Variants in ITPKA observed in about 807,000 individuals in gnomAD.
The protein encoded by ITPKA is inositol-trisphosphate 3-kinase A, also known as IP3 3-kinase A.
ITPKA carries 16 observed loss-of-function variants against 40.7 expected under a neutral mutation model. The ratio of observed to expected loss-of-function variants is 0.39; its 90% CI spans 0.27 to 0.60. ITPKA has a LOEUF of 0.60. ITPKA is among the 20% of genes least tolerant of loss of function. The pLI is 0.50. For missense variants in ITPKA, 540 were observed against 649.3 expected, an observed-to-expected ratio of 0.83 and a Z score of 1.83; for synonymous variants, 313 against 289.9, an observed-to-expected ratio of 1.08 and a Z score of -0.81.
chr15:41,501,555 C>T lies in ITPKA; in HGVS notation c.582C>T (p.His194=). The part of the protein sequence containing the change: ...KRYAWVQLAG[H]TGSFKAAGTS... ...ACGCCTGGGTGCAGCTGGCAGGGCACACTGGTGAGCAGTGGGGCGGGTGGG... is the reference window on the plus strand; with the variant it reads ...ACGCCTGGGTGCAGCTGGCAGGGCATACTGGTGAGCAGTGGGGCGGGTGGG... Residue 194 remains histidine (H), a synonymous_variant, in exon 2 of 7, where the codon CAC becomes CAT. Coordinates refer to ENST00000260386, the MANE Select transcript of ITPKA (RefSeq NM_002220.3). 1 of 913,248 alleles carries T rather than the reference C, an allele frequency of 1.1e-6. No homozygotes were observed. Among genetic ancestry groups the T allele is most frequent in the South Asian group, 1.3e-5 (1 of 75,756 alleles). The allele number at this position is 913,248 out of a possible 1,614,324, so 56.6% of individuals were successfully genotyped here.
In ITPKA at chr15:41,494,421, GGGCCGCGGGGGCGGGGCCAGCGCC is replaced by G. The variant is rs1429315724; in HGVS notation, c.489+8_489+31del. The stretch of plus-strand genomic sequence containing the variant: ...GCGGGCGAGGACGTGGGTCAGGTAC[GGGCCGCGGGGGCGGGGCCAGCGCC>G]GGGCGCGGGGGCTGCACGGGGGACC... On this transcript the variant is annotated splice_donor_region_variant and intron_variant, in intron 1 of 6. Transcript: ENST00000260386. The surrounding 1 kb of genome is among the most constrained non-coding windows in gnomAD (Gnocchi z 7.8). The G allele has an allele frequency of 3.5e-6, 5 of 1,418,548 alleles. No individual in the cohort carries two copies. Among genetic ancestry groups the G allele is most frequent in the Non-Finnish European group, 4.6e-6 (5 of 1,087,942 alleles). 87.9% of individuals were successfully genotyped at this position (1,418,548 alleles called of 1,614,324 possible). A position where few individuals can be genotyped will look rare whatever the true frequency, so the allele number is the denominator to read the frequency against.
chr15:41,502,484 A>C lies in ITPKA; in HGVS notation c.1091A>C (p.Gln364Pro). The change falls in exon 5 of 7, where the codon CAA becomes CCA. Residue 364 changes from glutamine (Q) to proline (P), a missense_variant. Physicochemically the swap from Gln to Pro is moderately conservative, Grantham distance 76. Transcript: ENST00000260386. Reference protein sequence around the residue: ...QVLRVFEEFVQGDEEVLRRYL... With the variant: ...QVLRVFEEFVPGDEEVLRRYL... ...CTTCGCGTCTTTGAAGAGTTTGTGC[A>C]AGGAGATGAGGAAGTGCTGGTGAGA... 6.3e-7 allele frequency: 1 copy of C among 1,593,472 alleles called. No homozygotes were observed. Among genetic ancestry groups the C allele is most frequent in the Non-Finnish European group, 8.6e-7 (1 of 1,162,084 alleles).
Position 41,494,762 on chromosome 15 carries a change from T to TGAAC in ITPKA, c.489+347_489+350dup, listed in dbSNP as rs1183216850. ...ATCGGAGGGGCTGAGCCTTGCCGGGTGAACCCTCGGAAGGAGAGAGGCGAA... is the reference window on the plus strand; with the variant it reads ...ATCGGAGGGGCTGAGCCTTGCCGGGTGAACGAACCCTCGGAAGGAGAGAGGCGAA... On this transcript the variant is annotated intron_variant, in intron 1 of 6. Coordinates refer to ENST00000260386, the MANE Select transcript of ITPKA (RefSeq NM_002220.3). The surrounding 1 kb of genome is among the most constrained non-coding windows in gnomAD (Gnocchi z 7.8). 6.6e-6 allele frequency among the ~76,000 whole-genome samples: 1 copy of TGAAC among 152,108 alleles called. No individual in the cohort carries two copies. The highest frequency in any genetic ancestry group is 1.5e-5 in the Non-Finnish European group (1 of 67,996).
chr15:41,495,001 C>T (rs774161764), intron 1 of ITPKA, among the ~76,000 whole-genome samples: 13 of 152,322 alleles, frequency 8.5e-5, no homozygotes, highest in Middle Eastern at 3.4e-3. Context: ...ACGCAGCCCA[C>T]CCAGTGCGCG....
rs1198465863 is a variant in ITPKA, at chr15:41,502,119, C to A, written c.926C>A (p.Ala309Asp). ...APTEEEHAQR[A>D]VTKPRYMQWR... ...ACGGAGGAGGAGCACGCGCAGCGCG[C>A]CGTCACCAAGCCGCGCTACATGCAG... The change falls in exon 4 of 7, where the codon GCC (alanine) becomes GAC (aspartate). Residue 309 changes from alanine (A) to aspartate (D), a missense_variant. Transcript: ENST00000260386. 2 of 1,610,878 alleles carry A rather than the reference C, an allele frequency of 1.2e-6. No individual in the cohort carries two copies. Among genetic ancestry groups the A allele is most frequent in the Non-Finnish European group, 1.7e-6 (2 of 1,179,118 alleles).
intron 1 of ITPKA, among the ~76,000 whole-genome samples, chr15:41,496,745 G>C (rs2051075434): frequency 6.6e-6 from 1 of 152,182 alleles, no homozygotes; most frequent in Non-Finnish European, 1.5e-5. Context: ...GCAGAATTTA[G>C]GTTAACAGAC....
intron 5 of ITPKA, 119 bp downstream of exon 5, chr15:41,502,622 C>T: frequency 3.2e-6 from 3 of 924,296 alleles, no homozygotes; most frequent in Non-Finnish European, 5.0e-6. Context: ...CGCTGGCTCG[C>T]AACTGCTCTA....
At chr15:41,497,676 A>G (rs1345835597) in intron 1 of ITPKA, among the ~76,000 whole-genome samples, 1 of 152,192 alleles carries the variant, frequency 6.6e-6, no homozygotes, top group Non-Finnish European at 1.5e-5. Context: ...ATCCTGTCAT[A>G]GCAACCTCAG....
rs2051062081 is a variant in ITPKA, at chr15:41,495,168, G to A, written c.489+752G>A. ...TGACCCTCGGAAAACACAGCCCTGG[G>A]CACTGTTAAGTCATTCCTGACGCCC... On this transcript the variant is annotated intron_variant, in intron 1 of 6. Transcript: ENST00000260386. Among the ~76,000 whole-genome samples the A allele has an allele frequency of 2.0e-5, 3 of 152,358 alleles. No homozygotes were observed. The South Asian group carries it at 6.2e-4, about 32-fold the overall frequency.
Position 41,503,365 on chromosome 15 carries a change from G to A in ITPKA, c.*199G>A, listed in dbSNP as rs866710769. 27 of 598,968 alleles carry A rather than the reference G, an allele frequency of 4.5e-5. No individual in the cohort carries two copies. The Admixed American group carries it at 6.2e-4, about 14-fold the overall frequency. The allele number at this position is 598,968 out of a possible 1,614,324, so 37.1% of individuals were successfully genotyped here. On this transcript the variant is annotated 3_prime_UTR_variant, in exon 7 of 7. Coordinates refer to ENST00000260386, the MANE Select transcript of ITPKA (RefSeq NM_002220.3). ...CCACCCGGGCCCCAGCGTTCCCAGA[G>A]CCAAATGACACTAACTTATAGAAGG...
intron 4 of ITPKA, 86 bp downstream of exon 4, chr15:41,502,287 T>G: frequency 9.9e-7 from 1 of 1,011,260 alleles, no homozygotes; most frequent in Non-Finnish European, 1.4e-6. Flanking sequence ...CGCCTGCCCC[T>G]CCGCCCTCTC....
chr15:41,503,013 C>T lies in ITPKA; in HGVS notation c.1233C>T (p.Gly411=), dbSNP rs2051133068. Residue 411 remains glycine (G), a synonymous_variant, in exon 7 of 7, where the codon GGC becomes GGT. Coordinates refer to ENST00000260386, the MANE Select transcript of ITPKA (RefSeq NM_002220.3). ...LFVHDHCHRA[G]VWLIDFGKTT... is the part of the protein sequence containing the mutation. ...TGCACGATCACTGCCATCGCGCCGG[C>T]GTGTGGCTCATCGACTTCGGCAAGA... 1 of 1,609,022 alleles carries T rather than the reference C, an allele frequency of 6.2e-7. No homozygotes were observed. Among genetic ancestry groups the T allele is most frequent in the Non-Finnish European group, 8.5e-7 (1 of 1,177,318 alleles).
At chr15:41,501,328 T>G in intron 1 of ITPKA, 135 bp from the exon 2 acceptor site, 7 of 1,471,196 alleles carry the variant, frequency 4.8e-6, no homozygotes, top group Non-Finnish European at 6.3e-6. Context: ...CCAGAGTGAA[T>G]GAATGAATTA....
chr15:41,494,739 C>G lies in ITPKA; in HGVS notation c.489+323C>G, dbSNP rs2051058472. Reference sequence around the variant, plus strand: ...GGCTGTGGGTTAGGACAGGAGGGATCGGAGGGGCTGAGCCTTGCCGGGTGA... The same window carrying G: ...GGCTGTGGGTTAGGACAGGAGGGATGGGAGGGGCTGAGCCTTGCCGGGTGA... On this transcript the variant is annotated intron_variant, in intron 1 of 6. Transcript: ENST00000260386. The surrounding 1 kb of genome is among the most constrained non-coding windows in gnomAD (Gnocchi z 7.8). 6.6e-6 allele frequency among the ~76,000 whole-genome samples: 1 copy of G among 152,176 alleles called. No individual in the cohort carries two copies. Among genetic ancestry groups the G allele is most frequent in the Admixed American group, 6.5e-5 (1 of 15,284 alleles).
intron 1 of ITPKA, among the ~76,000 whole-genome samples, chr15:41,497,223 C>T (rs913077716): frequency 6.6e-6 from 1 of 152,146 alleles, no homozygotes; most frequent in African/African-American, 2.4e-5. Flanking sequence ...CTAGCCTTTG[C>T]CTCAAGATAC....
intron 1 of ITPKA, among the ~76,000 whole-genome samples, chr15:41,496,326 C>T (rs2051070925): frequency 6.6e-6 from 1 of 152,214 alleles, no homozygotes; most frequent in South Asian, 2.1e-4. Flanking sequence ...CCCTTACGCG[C>T]GGCCCAGGCA....
In ITPKA at chr15:41,502,960, C is replaced by A. The variant is rs1166628012; in HGVS notation, c.1183-3C>A. 2 of 1,597,864 alleles carry A rather than the reference C, an allele frequency of 1.3e-6. No homozygotes were observed. Among genetic ancestry groups the A allele is most frequent in the Admixed American group, 3.4e-5 (2 of 58,450 alleles). Reference sequence around the variant, plus strand: ...CCGCGGCCTGACGGTGCGGGGCTCGCAGGTGATCGGCAGCTCGCTCCTCTT... The same window carrying A: ...CCGCGGCCTGACGGTGCGGGGCTCGAAGGTGATCGGCAGCTCGCTCCTCTT... On this transcript the variant is annotated splice_region_variant and splice_polypyrimidine_tract_variant and intron_variant, in intron 6 of 6. Transcript: ENST00000260386.
In ITPKA at chr15:41,501,859, T is replaced by A; in HGVS notation, c.803+8T>A. 6.2e-7 allele frequency: 1 copy of A among 1,611,724 alleles called. No homozygotes were observed. Among genetic ancestry groups the A allele is most frequent in the Non-Finnish European group, 8.5e-7 (1 of 1,178,972 alleles). On this transcript the variant is annotated splice_region_variant and intron_variant, in intron 3 of 6. Transcript: ENST00000260386. ...CTGCAAAATGGGCGTCAGGTATGCG[T>A]GCCCTGCCAGGTCGGTTGGGGGGAT...
In ITPKA at chr15:41,502,492, G is replaced by A. The variant is rs553718435; in HGVS notation, c.1099G>A (p.Glu367Lys). The A allele has an allele frequency of 1.9e-6, 3 of 1,580,606 alleles. No homozygotes were observed. The African/African-American group carries it at 4.0e-5, about 21-fold the overall frequency. The change falls in exon 5 of 7, where the codon GAG becomes AAG. Residue 367 changes from glutamate to lysine, a missense_variant. Coordinates refer to ENST00000260386, the MANE Select transcript of ITPKA (RefSeq NM_002220.3). ...RVFEEFVQGD[E>K]EVLRRYLNRL... ...CTTTGAAGAGTTTGTGCAAGGAGATGAGGAAGTGCTGGTGAGAGCGGGATC... is the reference window on the plus strand; with the variant it reads ...CTTTGAAGAGTTTGTGCAAGGAGATAAGGAAGTGCTGGTGAGAGCGGGATC...
Sources: gnomAD v4.1 joint callset for allele counts (sites outside exome capture counted in the v4.1 genomes callset) on GRCh38, gnomAD v4.1.1 for gene constraint, Gnocchi (gnomAD v3.1) non-coding constraint, MANE v1.5 for transcripts, NCBI Gene and HGNC (gene_info 2026-07-23, HGNC 2026-07-21) for gene names.